The following BCAR1 variants were observed in gnomAD, a reference collection of about 807,000 sequenced individuals.
BCAR1 encodes the protein BCAR1 scaffold protein, Cas family member.
A neutral mutation model predicts 67.6 loss-of-function variants in BCAR1; 30 were observed. The ratio of observed to expected loss-of-function variants is 0.44; its 90% CI spans 0.33 to 0.60. BCAR1 has a LOEUF of 0.60. Ranked by LOEUF, BCAR1 falls within the 20% of genes least tolerant of loss-of-function variation. The pLI, the probability that BCAR1 is intolerant of heterozygous loss-of-function variation, is 0.02. For missense variants in BCAR1, 1,313 were observed against 1,222.3 expected (o/e 1.07, Z -1.11); for synonymous variants, 626 against 556.7 (o/e 1.12, Z -1.75).
chr16:75,230,792 G>C (rs1251935186), intron 6 of BCAR1, among the ~76,000 whole-genome samples: 4 of 152,218 alleles, frequency 2.6e-5, no homozygotes, highest in Non-Finnish European at 5.9e-5. Context: ...CTAACACTTA[G>C]AACCTCGCAC....
intron 1 of BCAR1, among the ~76,000 whole-genome samples, chr16:75,262,406 G>C (rs760646178): frequency 6.6e-6 from 1 of 152,216 alleles, no homozygotes; most frequent in Non-Finnish European, 1.5e-5. Context: ...AGACGGCGCC[G>C]GGAAGGCTTC....
In BCAR1 at chr16:75,235,389, G is replaced by C; in HGVS notation, c.1510C>G (p.Leu504Val). The C allele has an allele frequency of 6.2e-7, 1 of 1,605,702 alleles. No individual in the cohort carries two copies. The highest frequency in any genetic ancestry group is 8.5e-7 in the Non-Finnish European group (1 of 1,177,532). ...TGGACAGCGGCCACAGCAGCCTGCA[G>C]GTCCTGCACCAGCGGCTCCTGTGGC... ...SEPQEPLVQD[L>V]QAAVAAVQSA... The change falls in exon 5 of 7, where the codon CTG becomes GTG. Residue 504 changes from leucine (L) to valine (V), a missense_variant. Transcript: ENST00000162330.
chr16:75,239,050 C>T (rs1035990163), intron 2 of BCAR1: 7 of 985,304 alleles, frequency 7.1e-6, no homozygotes, highest in Non-Finnish European at 8.4e-6. Flanking sequence ...GGCAAATGGC[C>T]GCCTGCCACT....
chr16:75,265,952 G>T, intron 1 of BCAR1: 1 of 1,080,636 alleles, frequency 9.3e-7, no homozygotes, highest in Non-Finnish European at 1.1e-6. Flanking sequence ...GGCTCCTCCG[G>T]CTCCTGAGCG....
At chr16:75,234,807 C>A in intron 5 of BCAR1, 82 bp downstream of exon 5, 1 of 1,500,520 alleles carries the variant, frequency 6.7e-7, no homozygotes, top group Non-Finnish European at 8.9e-7. Context: ...GGGACCAGGC[C>A]CCAGCTGAGA....
chr16:75,242,458 G>A lies in BCAR1; in HGVS notation c.633+12C>T, dbSNP rs760272323. 29 of 1,439,114 alleles carry A rather than the reference G, an allele frequency of 2.0e-5. No individual in the cohort carries two copies. The highest frequency in any genetic ancestry group is 2.6e-5 in the Non-Finnish European group (28 of 1,096,536). The allele number at this position is 1,439,114 out of a possible 1,614,324, so 89.1% of individuals were successfully genotyped here. On this transcript the variant is annotated intron_variant, in intron 2 of 6. Coordinates refer to ENST00000162330, the MANE Select transcript of BCAR1 (RefSeq NM_014567.5). Reference sequence around the variant, plus strand: ...CCTGTGTGGCTGCACAACTGTGCCAGGACAGCCTTACCTTTGCCGGGGGCT... The same window carrying A: ...CCTGTGTGGCTGCACAACTGTGCCAAGACAGCCTTACCTTTGCCGGGGGCT...
At chr16:75,233,218 T>C (rs1199222023) in intron 6 of BCAR1, among the ~76,000 whole-genome samples, 2 of 151,908 alleles carry the variant, frequency 1.3e-5, no homozygotes, top group Admixed American at 1.3e-4. Flanking sequence ...ATAAAAAATA[T>C]AAAAATCAGC....
intron 5 of BCAR1, 25 bp from the exon 6 acceptor site, chr16:75,233,960 G>A (rs368527337): frequency 2.6e-4 from 405 of 1,573,844 alleles, no homozygotes; most frequent in Non-Finnish European, 3.2e-4. Context: ...CAGGGGCTGC[G>A]CTGAGGCCAG....
rs902334761 is a variant in BCAR1, at chr16:75,233,851, G to C, written c.2095C>G (p.Gln699Glu). 5 of 1,604,604 alleles carry C rather than the reference G, an allele frequency of 3.1e-6. No individual in the cohort carries two copies. The African/African-American group carries it at 6.7e-5, about 21-fold the overall frequency. ...TRQGKSQLEL[Q>E]QLKQFERLEQ... ...GCTCTGCTCCGGGGCCTCACCTGCTGCAACTCCAGCTGGCTCTTGCCCTGC... is the reference window on the plus strand; with the variant it reads ...GCTCTGCTCCGGGGCCTCACCTGCTCCAACTCCAGCTGGCTCTTGCCCTGC... Residue 699 changes from glutamine to glutamate, a missense_variant, in exon 6 of 7, where the codon CAG becomes GAG. By Grantham distance (29) the Gln-to-Glu change is conservative. Around this residue, in one of 2 missense-constraint regions of BCAR1, gnomAD observed 1,272 missense variants for 1,137.5 expected, o/e 1.12. Transcript: ENST00000162330.
intron 2 of BCAR1, among the ~76,000 whole-genome samples, chr16:75,242,007 T>G (rs1181631859): frequency 6.6e-6 from 1 of 152,142 alleles, no homozygotes; most frequent in Non-Finnish European, 1.5e-5. Context: ...CCTAGCATGT[T>G]CCATAAGTGG....
chr16:75,250,951 T>C (rs957428907), intron 1 of BCAR1: 34 of 985,022 alleles, frequency 3.5e-5, no homozygotes, highest in Non-Finnish European at 3.9e-5. Context: ...AATCATTAAC[T>C]GGAGCCGGGT....
chr16:75,245,132 C>A (rs995177303), intron 1 of BCAR1, among the ~76,000 whole-genome samples: 4 of 152,022 alleles, frequency 2.6e-5, no homozygotes, highest in Non-Finnish European at 5.9e-5. Context: ...TGCAGCCCAC[C>A]GGGCTCAGGG....
chr16:75,241,306 G>A (rs565854151), intron 2 of BCAR1, among the ~76,000 whole-genome samples: 167 of 152,272 alleles, frequency 1.1e-3, no homozygotes, highest in African/African-American at 3.8e-3. Context: ...TTCATGTAGC[G>A]CATGTGTGTG....
intron 1 of BCAR1, chr16:75,264,485 AG>A: frequency 1.4e-6 from 2 of 1,454,700 alleles, no homozygotes; most frequent in Non-Finnish European, 1.8e-6. Context: ...GAAGAGAGGA[AG>A]GGCTTGGCAG....
intron 1 of BCAR1, among the ~76,000 whole-genome samples, chr16:75,260,449 C>T (rs2077879738): frequency 6.6e-6 from 1 of 152,036 alleles, no homozygotes; most frequent in Non-Finnish European, 1.5e-5. Context: ...GCCTGGCCAA[C>T]ATGGTGAAAC....
chr16:75,249,639 C>T (rs1419110143), intron 1 of BCAR1: 1 of 152,300 alleles, frequency 6.6e-6, no homozygotes, highest in Non-Finnish European at 1.5e-5. Context: ...TCTAGCTGAC[C>T]AGTTGGTTTA....
chr16:75,239,750 G>A (rs990743548), intron 2 of BCAR1, among the ~76,000 whole-genome samples: 1 of 152,184 alleles, frequency 6.6e-6, no homozygotes, highest in Non-Finnish European at 1.5e-5. Context: ...ATGGTGGCCT[G>A]AGGGGCCACC....
rs554889406 is a variant in BCAR1, at chr16:75,229,961, G to C, written c.2163C>G (p.Asn721Lys). 1.9e-6 allele frequency: 3 copies of C among 1,594,698 alleles called. No homozygotes were observed. In the South Asian group the frequency reaches 3.4e-5, roughly 18 times the overall value. The change falls in exon 7 of 7, where the codon AAC (asparagine) becomes AAG (lysine). Residue 721 changes from asparagine (N) to lysine (K), a missense_variant. Physicochemically the swap from Asn to Lys is moderately conservative, Grantham distance 94. Around this residue, in one of 2 missense-constraint regions of BCAR1, gnomAD observed 1,272 missense variants for 1,137.5 expected, o/e 1.12. Transcript: ENST00000162330. ...VSRPIDHDLA[N>K]WTPAQPLAPG... ...GGGCCAGGGGTTGGGCTGGCGTCCA[G>C]TTGGCCAGGTCGTGGTCTATGGGCC... is the stretch of plus-strand genomic sequence containing the variant.
chr16:75,234,738 C>T (rs1309325263), intron 5 of BCAR1, 151 bp downstream of exon 5: 1 of 1,234,266 alleles, frequency 8.1e-7, no homozygotes, highest in Non-Finnish European at 1.1e-6. Flanking sequence ...CACCCTAGCA[C>T]ATGGGGCCAA....
Sources: gnomAD v4.1 joint callset for allele counts (sites outside exome capture counted in the v4.1 genomes callset) on GRCh38, gnomAD v4.1.1 for gene constraint, gnomAD v4.1.1 regional missense constraint, MANE v1.5 for transcripts, NCBI Gene and HGNC (gene_info 2026-07-23, HGNC 2026-07-21) for gene names.